AAGAB: variants seen among roughly 807,000 people sequenced by gnomAD.
AAGAB encodes the protein alpha- and gamma-adaptin-binding protein p34.
AAGAB carries 38 observed loss-of-function variants against 44.1 expected under a neutral mutation model. The observed-to-expected ratio is 0.86, with a 90% CI of 0.67 to 1.13. The LOEUF (loss-of-function observed/expected upper bound fraction) is 1.13, where lower values mean the gene tolerates loss of function less well. AAGAB is among the 50% of genes most tolerant of loss of function. AAGAB has a pLI of 0.00. For synonymous variants in AAGAB, 131 were observed against 131.8 expected (o/e 0.99, Z 0.04); for missense variants, 450 against 373.8 (o/e 1.20, Z -1.68).
At chr15:67,254,449 G>A in intron 1 of AAGAB, 110 bp downstream of exon 1, 1 of 1,460,996 alleles carries the variant, frequency 6.8e-7, no homozygotes. Flanking sequence ...ACTGGAGGAA[G>A]AACGCAGGGC....
At position 67,202,647 on chromosome 15, in the gene AAGAB, A is replaced by T. The variant is rs1183793143; in HGVS notation, c.*174T>A. 2 of 603,594 alleles carry T rather than the reference A, an allele frequency of 3.3e-6. No homozygotes were observed. Among genetic ancestry groups the T allele is most frequent in the Non-Finnish European group, 6.0e-6 (2 of 335,304 alleles). 37.4% of individuals were successfully genotyped at this position (603,594 alleles called of 1,614,324 possible). On this transcript the variant is annotated 3_prime_UTR_variant, in exon 10 of 10. Transcript: ENST00000261880. ...CTCACTCTCTTACAATATACTGAGG[A>T]AAAAAAAGATTTCTCCTTAACCTCC...
chr15:67,235,934 CT>C (rs1964450151), intron 4 of AAGAB, 44 bp downstream of exon 4: 1 of 1,337,986 alleles, frequency 7.5e-7, no homozygotes, highest in South Asian at 1.3e-5. Context: ...AAAATAATCT[CT>C]CATATCTAAG....
At chr15:67,220,533 T>C (rs1362884939) in intron 5 of AAGAB, 1 of 152,252 alleles carries the variant, frequency 6.6e-6, no homozygotes, top group Non-Finnish European at 1.5e-5. Context: ...GGTCCTGTTT[T>C]TCCCCACCTG....
At chr15:67,231,382 A>G (rs1019358486) in intron 5 of AAGAB, among the ~76,000 whole-genome samples, 2 of 152,128 alleles carry the variant, frequency 1.3e-5, no homozygotes, top group Non-Finnish European at 2.9e-5. Flanking sequence ...CTCTCTCTCT[A>G]TACTTAAGCC....
chr15:67,254,772 TCC>T, upstream of AAGAB: 1 of 1,318,154 alleles, frequency 7.6e-7, no homozygotes, highest in East Asian at 2.5e-5. Context: ...TAGACCCCCT[TCC>T]GCTCCCAGCG....
chr15:67,213,554 A>G lies in AAGAB; in HGVS notation c.536-4010T>C, dbSNP rs190421550. Among the ~76,000 whole-genome samples the G allele has an allele frequency of 2.1e-3, 317 of 152,268 alleles. 1 individual carries two copies. The highest frequency in any genetic ancestry group is 7.4e-3 in the African/African-American group (308 of 41,566). On this transcript the variant is annotated intron_variant, in intron 5 of 9. Coordinates refer to ENST00000261880, the MANE Select transcript of AAGAB (RefSeq NM_024666.5). The stretch of plus-strand genomic sequence containing the variant: ...GGGGAAGGGGAAAAGTTGCTTTTTA[A>G]AAAGTATTTTTTTCCTTTTTTCTGA...
chr15:67,236,041 C>T lies in AAGAB; in HGVS notation c.389G>A (p.Trp130Ter). 6.2e-7 allele frequency: 1 copy of T among 1,613,056 alleles called. No homozygotes were observed. Among genetic ancestry groups the T allele is most frequent in the Non-Finnish European group, 8.5e-7 (1 of 1,179,448 alleles). Residue 130 changes from tryptophan to a stop codon, truncating the protein, a stop_gained, in exon 4 of 10, where the codon TGG (tryptophan) becomes TAG (stop). Coordinates refer to ENST00000261880, the MANE Select transcript of AAGAB (RefSeq NM_024666.5). LOFTEE classifies it high-confidence loss of function. ...DGINRQKAQE[W>*]CIKHGFELVE... ...CAATTCAAAGCCATGTTTGATGCAC[C>T]ATTCTTGAGCTTTTTGTCGGTTTAT...
chr15:67,203,089 A>C (rs1182301548), intron 9 of AAGAB, among the ~76,000 whole-genome samples, 191 bp from the exon 10 acceptor site: 1 of 152,258 alleles, frequency 6.6e-6, no homozygotes, highest in Non-Finnish European at 1.5e-5. Context: ...CCAAGGATAT[A>C]TTTAGAGTTG....
At position 67,252,657 on chromosome 15, in the gene AAGAB, GGAAGGAAGAAAA is replaced by G. The variant is rs987425135; in HGVS notation, c.73+1890_73+1901del. The stretch of plus-strand genomic sequence containing the variant: ...GAAACAATTAAAGAAAAAAGAGGAA[GGAAGGAAGAAAA>G]GAAGGAAGAAAGGAGGGAAGGGAGA... On this transcript the variant is annotated intron_variant, in intron 1 of 9. Coordinates refer to ENST00000261880, the MANE Select transcript of AAGAB (RefSeq NM_024666.5). Among the ~76,000 whole-genome samples, 5 of 152,096 alleles carry G rather than the reference GGAAGGAAGAAAA, an allele frequency of 3.3e-5. No homozygotes were observed. In the South Asian group the frequency reaches 8.3e-4, roughly 25 times the overall value.
chr15:67,203,548 C>G lies in AAGAB; in HGVS notation c.870G>C (p.Lys290Asn). 6.2e-7 allele frequency: 1 copy of G among 1,613,442 alleles called. No homozygotes were observed. Among genetic ancestry groups the G allele is most frequent in the Non-Finnish European group, 8.5e-7 (1 of 1,179,638 alleles). Residue 290 changes from lysine to asparagine, a missense_variant and splice_region_variant, in exon 9 of 10, where the codon AAG (lysine) becomes AAC (asparagine). Physicochemically the swap from Lys to Asn is moderately conservative, Grantham distance 94. Transcript: ENST00000261880. ...ATAAATACCTGGCTGATTGTCTCAC[C>G]TTTTCTGCATGCACTTTTCTTTGCT... The part of the protein sequence containing the change: ...PHEQRKVHAE[K>N]VAKAFWMAIG...
intron 1 of AAGAB, among the ~76,000 whole-genome samples, chr15:67,250,324 G>C (rs953064644): frequency 1.3e-5 from 2 of 152,032 alleles, no homozygotes; most frequent in Non-Finnish European, 2.9e-5. Context: ...TTATAGGCAC[G>C]CACCACCGTG....
intron 5 of AAGAB, among the ~76,000 whole-genome samples, chr15:67,227,580 C>A (rs896594894): frequency 6.6e-6 from 1 of 152,044 alleles, no homozygotes; most frequent in Non-Finnish European, 1.5e-5. Flanking sequence ...AACAAATAAA[C>A]CAGTCTGAGC....
At chr15:67,242,071 AG>A (rs557680811) in intron 1 of AAGAB, among the ~76,000 whole-genome samples, 72 of 152,364 alleles carry the variant, frequency 4.7e-4, no homozygotes, top group East Asian at 3.7e-3. Context: ...AATATGACTT[AG>A]GAAAAATTCA....
chr15:67,254,762 T>A, upstream of AAGAB: 1 of 1,319,930 alleles, frequency 7.6e-7, no homozygotes, highest in Non-Finnish European at 1.1e-6. Flanking sequence ...ACCCCGCCCC[T>A]AGACCCCCTT....
intron 5 of AAGAB, among the ~76,000 whole-genome samples, chr15:67,222,242 G>GCACACACA (rs370826027): frequency 1.8e-3 from 159 of 90,090 alleles, no homozygotes; most frequent in African/African-American, 4.1e-3. Flanking sequence ...GCGCGCGCGC[G>GCACACACA]CACACACACA....
chr15:67,209,545 C>A lies in AAGAB; in HGVS notation c.536-1G>T. 1 of 1,612,342 alleles carries A rather than the reference C, an allele frequency of 6.2e-7. No homozygotes were observed. The highest frequency in any genetic ancestry group is 8.5e-7 in the Non-Finnish European group (1 of 1,178,600). Reference sequence around the variant, plus strand: ...AGAAGGCTAAAGCCTTGGTTCCTATCTGAAAAGGAAAAATACACTTAGTGA... The same window carrying A: ...AGAAGGCTAAAGCCTTGGTTCCTATATGAAAAGGAAAAATACACTTAGTGA... On this transcript the variant is annotated splice_acceptor_variant, in intron 5 of 9. Coordinates refer to ENST00000261880, the MANE Select transcript of AAGAB (RefSeq NM_024666.5). LOFTEE classifies it high-confidence loss of function.
rs1434886736 is a variant in AAGAB, at chr15:67,208,552, A to T, written c.715+10T>A. On this transcript the variant is annotated intron_variant, in intron 7 of 9. Coordinates refer to ENST00000261880, the MANE Select transcript of AAGAB (RefSeq NM_024666.5). Reference sequence around the variant, plus strand: ...AAAGCTCTCTCTTGGCAGCCAAAGGAGGAACTTACCCACAATGCTATCAAC... The same window carrying T: ...AAAGCTCTCTCTTGGCAGCCAAAGGTGGAACTTACCCACAATGCTATCAAC... 3 of 1,611,784 alleles carry T rather than the reference A, an allele frequency of 1.9e-6. No homozygotes were observed. In the Admixed American group the frequency reaches 5.0e-5, roughly 27 times the overall value.
intron 9 of AAGAB, among the ~76,000 whole-genome samples, chr15:67,203,171 A>G (rs1963606389): frequency 1.3e-5 from 2 of 152,186 alleles, no homozygotes; most frequent in South Asian, 4.1e-4. Context: ...CATGACCTAA[A>G]TGTCCAAAAG....
Position 67,236,612 on chromosome 15 carries a change from T to G in AAGAB, c.264+18A>C. 6.2e-7 allele frequency: 1 copy of G among 1,609,914 alleles called. No homozygotes were observed. The highest frequency in any genetic ancestry group is 8.5e-7 in the Non-Finnish European group (1 of 1,177,816). On this transcript the variant is annotated intron_variant, in intron 2 of 9. Transcript: ENST00000261880. ...CAATAATTTCTTATTCAAGCCTTCA[T>G]AGAAAACAAAGTCTTACTTGTGTGC...
Sources: allele counts gnomAD v4.1 joint callset (sites outside exome capture counted in the v4.1 genomes callset), GRCh38; gene constraint gnomAD v4.1.1; transcripts MANE v1.5; gene names NCBI Gene and HGNC (gene_info 2026-07-23, HGNC 2026-07-21).